PTGER2: variants seen among roughly 807,000 people sequenced by gnomAD.
PTGER2 encodes prostaglandin E receptor 2.
Under a neutral mutation model 26.2 loss-of-function variants are expected in PTGER2, and 22 were observed. That is an observed-to-expected ratio of 0.84 (90% CI 0.60 to 1.20). The LOEUF (loss-of-function observed/expected upper bound fraction) is 1.20, where lower values mean the gene tolerates loss of function less well. PTGER2 is among the 50% of genes most tolerant of loss of function. PTGER2 has a pLI of 0.00. For synonymous variants in PTGER2, 219 were observed against 208.9 expected (o/e 1.05, Z -0.42); for missense variants, 458 against 475.2 (o/e 0.96, Z 0.34).
chr14:52,315,463 C>A, intron 1 of PTGER2, 72 bp downstream of exon 1: 1 of 1,563,744 alleles, frequency 6.4e-7, no homozygotes, highest in East Asian at 2.3e-5. Context: ...ACGCCTCCAC[C>A]CTTTCCACCG....
In PTGER2 at chr14:52,328,582, A is replaced by C. The variant is rs2033975380; in HGVS notation, c.*1128A>C. The C allele has an allele frequency of 6.6e-6, 1 of 152,232 alleles. No homozygotes were observed. Among genetic ancestry groups the C allele is most frequent in the Admixed American group, 6.5e-5 (1 of 15,286 alleles). The allele number at this position is 152,232 out of a possible 1,614,324, so 9.4% of individuals were successfully genotyped here. A position where few individuals can be genotyped will look rare whatever the true frequency, so the allele number is the denominator to read the frequency against. On this transcript the variant is annotated 3_prime_UTR_variant, in exon 2 of 2. Transcript: ENST00000245457. Reference sequence around the variant, plus strand: ...AACTCATCTGAAATGTTACAAAAATAAACTATAAAACAAAAATTTGAAAAT... The same window carrying C: ...AACTCATCTGAAATGTTACAAAAATCAACTATAAAACAAAAATTTGAAAAT...
Position 52,327,410 on chromosome 14 carries a change from T to G in PTGER2, c.1033T>G (p.Ser345Ala). Residue 345 changes from serine to alanine, a missense_variant, in exon 2 of 2, where the codon TCC becomes GCC. Coordinates refer to ENST00000245457, the MANE Select transcript of PTGER2 (RefSeq NM_000956.4). ...AAGAACACAAGATGCAACACAAACT[T>G]CCTGTTCTACACAGTCAGATGCCAG... is the stretch of plus-strand genomic sequence containing the variant. ...SLRTQDATQT[S>A]CSTQSDASKQ... 6.2e-7 allele frequency: 1 copy of G among 1,613,424 alleles called. No homozygotes were observed. Among genetic ancestry groups the G allele is most frequent in the Non-Finnish European group, 8.5e-7 (1 of 1,179,528 alleles).
Position 52,314,535 on chromosome 14 carries a change from C to G in PTGER2, c.-14C>G. 1 of 1,476,252 alleles carries G rather than the reference C, an allele frequency of 6.8e-7. No homozygotes were observed. The highest frequency in any genetic ancestry group is 9.0e-7 in the Non-Finnish European group (1 of 1,114,592). 91.4% of individuals were successfully genotyped at this position (1,476,252 alleles called of 1,614,324 possible). A position where few individuals can be genotyped will look rare whatever the true frequency, so the allele number is the denominator to read the frequency against. On this transcript the variant is annotated 5_prime_UTR_variant, in exon 1 of 2. Transcript: ENST00000245457. The surrounding 1 kb of genome is among the most constrained non-coding windows in gnomAD (Gnocchi z 5.7). ...CGGGAGAGGAGGGCGCATCTCTTTTCCAGGCACCCCACCATGGGCAATGCC... is the reference window on the plus strand; with the variant it reads ...CGGGAGAGGAGGGCGCATCTCTTTTGCAGGCACCCCACCATGGGCAATGCC...
At chr14:52,315,505 T>C in intron 1 of PTGER2, 114 bp downstream of exon 1, 6 of 1,348,206 alleles carry the variant, frequency 4.5e-6, no homozygotes, top group Non-Finnish European at 6.0e-6. Flanking sequence ...TGTAAAAATA[T>C]GTCCTAATTT....
rs1298273049 is a variant in PTGER2, at chr14:52,314,972, T to A, written c.424T>A (p.Tyr142Asn). 6.2e-7 allele frequency: 1 copy of A among 1,613,382 alleles called. No homozygotes were observed. The highest frequency in any genetic ancestry group is 1.7e-5 in the Admixed American group (1 of 60,006). ...LERYLSIGHP[Y>N]FYQRRVSRSG... ...GCGCTACCTCTCGATCGGGCACCCCTACTTCTACCAGCGCCGCGTCTCGCG... is the reference window on the plus strand; with the variant it reads ...GCGCTACCTCTCGATCGGGCACCCCAACTTCTACCAGCGCCGCGTCTCGCG... Residue 142 changes from tyrosine to asparagine, a missense_variant, in exon 1 of 2, where the codon TAC becomes AAC. Coordinates refer to ENST00000245457, the MANE Select transcript of PTGER2 (RefSeq NM_000956.4). The surrounding 1 kb of genome is among the most constrained non-coding windows in gnomAD (Gnocchi z 5.7).
rs2033813678 is a variant in PTGER2, at chr14:52,314,639, A to G, written c.91A>G (p.Met31Val). 6.6e-7 allele frequency: 1 copy of G among 1,515,950 alleles called. No individual in the cohort carries two copies. The highest frequency in any genetic ancestry group is 2.2e-5 in the Admixed American group (1 of 44,902). The allele number at this position is 1,515,950 out of a possible 1,614,324, so 93.9% of individuals were successfully genotyped here. A position where few individuals can be genotyped will look rare whatever the true frequency, so the allele number is the denominator to read the frequency against. The part of the protein sequence containing the change: ...PGESPAISSV[M>V]FSAGVLGNLI... ...CGAAAGCCCAGCCATCAGCTCCGTCATGTTCTCGGCCGGGGTGCTGGGGAA... is the reference window on the plus strand; with the variant it reads ...CGAAAGCCCAGCCATCAGCTCCGTCGTGTTCTCGGCCGGGGTGCTGGGGAA... Residue 31 changes from methionine to valine, a missense_variant, in exon 1 of 2, where the codon ATG becomes GTG. By Grantham distance (21) the Met-to-Val change is conservative. Transcript: ENST00000245457. This position sits in a 1 kb window ranked among gnomAD's most constrained non-coding sequence, Gnocchi z 5.7.
intron 1 of PTGER2, among the ~76,000 whole-genome samples, chr14:52,324,967 C>T (rs978308096): frequency 1.3e-5 from 2 of 152,016 alleles, no homozygotes; most frequent in African/African-American, 4.8e-5. Flanking sequence ...GGTGAAACCC[C>T]ATCTCTACTA....
chr14:52,326,375 C>A (rs1158228677), intron 1 of PTGER2, among the ~76,000 whole-genome samples: 2 of 152,180 alleles, frequency 1.3e-5, no homozygotes, highest in South Asian at 2.1e-4. Flanking sequence ...ATTTTCTATA[C>A]CCCAGTGTCT....
At chr14:52,326,878 T>C (rs1392848355) in intron 1 of PTGER2, among the ~76,000 whole-genome samples, 1 of 152,198 alleles carries the variant, frequency 6.6e-6, no homozygotes, top group Non-Finnish European at 1.5e-5. Flanking sequence ...CTACTAATAT[T>C]ATCATTATTA....
Position 52,327,531 on chromosome 14 carries a change from C to T in PTGER2, c.*77C>T, listed in dbSNP as rs1279146611. On this transcript the variant is annotated 3_prime_UTR_variant, in exon 2 of 2. Coordinates refer to ENST00000245457, the MANE Select transcript of PTGER2 (RefSeq NM_000956.4). ...AAATTGTTCCTTGGAGAAATGAAAA[C>T]AGTGTGTAAACAAAATGAAGCTGCC... is the stretch of plus-strand genomic sequence containing the variant. 1.7e-6 allele frequency: 2 copies of T among 1,209,350 alleles called. No homozygotes were observed. Among genetic ancestry groups the T allele is most frequent in the African/African-American group, 1.5e-5 (1 of 65,654 alleles). 74.9% of individuals were successfully genotyped at this position (1,209,350 alleles called of 1,614,324 possible). A position where few individuals can be genotyped will look rare whatever the true frequency, so the allele number is the denominator to read the frequency against.
intron 1 of PTGER2, among the ~76,000 whole-genome samples, chr14:52,315,845 C>G (rs1224209086): frequency 2.0e-5 from 3 of 152,216 alleles, no homozygotes; most frequent in African/African-American, 7.2e-5. Flanking sequence ...CCATGCTTGC[C>G]TTCTGTTCCT....
chr14:52,317,921 T>C (rs1257086435), intron 1 of PTGER2, among the ~76,000 whole-genome samples: 1 of 152,258 alleles, frequency 6.6e-6, no homozygotes, highest in East Asian at 1.9e-4. Flanking sequence ...GATTTTATTT[T>C]GTCAATAGAT....
At position 52,327,414 on chromosome 14, in the gene PTGER2, G is replaced by T. The variant is rs367922312; in HGVS notation, c.1037G>T (p.Cys346Phe). The change falls in exon 2 of 2, where the codon TGT becomes TTT. Residue 346 changes from cysteine to phenylalanine, a missense_variant. Coordinates refer to ENST00000245457, the MANE Select transcript of PTGER2 (RefSeq NM_000956.4). ...ACACAAGATGCAACACAAACTTCCT[G>T]TTCTACACAGTCAGATGCCAGTAAA... Reference protein sequence around the residue: ...LRTQDATQTSCSTQSDASKQA... With the variant: ...LRTQDATQTSFSTQSDASKQA... 7 of 1,613,168 alleles carry T rather than the reference G, an allele frequency of 4.3e-6. No individual in the cohort carries two copies. Among genetic ancestry groups the T allele is most frequent in the Non-Finnish European group, 5.9e-6 (7 of 1,179,240 alleles).
chr14:52,324,798 A>G (rs1289391571), intron 1 of PTGER2, among the ~76,000 whole-genome samples: 1 of 152,228 alleles, frequency 6.6e-6, no homozygotes, highest in East Asian at 1.9e-4. Context: ...CAAAACTTAC[A>G]TCAAGAATTT....
chr14:52,314,356 C>T lies in PTGER2; in HGVS notation c.-193C>T, dbSNP rs891672415. The T allele has an allele frequency of 8.8e-6, 5 of 571,086 alleles. No homozygotes were observed. Among genetic ancestry groups the T allele is most frequent in the Non-Finnish European group, 1.3e-5 (5 of 388,464 alleles). The allele number at this position is 571,086 out of a possible 1,614,324, so 35.4% of individuals were successfully genotyped here. On this transcript the variant is annotated 5_prime_UTR_variant, in exon 1 of 2. Coordinates refer to ENST00000245457, the MANE Select transcript of PTGER2 (RefSeq NM_000956.4). The surrounding 1 kb of genome is among the most constrained non-coding windows in gnomAD (Gnocchi z 5.7). ...TCGAGCGCCGCTCGGATGCAGCAGCCGAGCCGCCACTCGGCGCGCGGCGGG... is the reference window on the plus strand; with the variant it reads ...TCGAGCGCCGCTCGGATGCAGCAGCTGAGCCGCCACTCGGCGCGCGGCGGG...
rs760540624 is a variant in PTGER2, at chr14:52,315,088, G to C, written c.540G>C (p.Gln180His). ...TGCTGGACTATGGGCAGTACGTCCA[G>C]TACTGCCCCGGGACCTGGTGCTTCA... ...LPLLDYGQYV[Q>H]YCPGTWCFIR... The change falls in exon 1 of 2, where the codon CAG (glutamine) becomes CAC (histidine). Residue 180 changes from glutamine (Q) to histidine (H), a missense_variant. Transcript: ENST00000245457. 3.0e-5 allele frequency: 49 copies of C among 1,610,730 alleles called. No homozygotes were observed. The highest frequency in any genetic ancestry group is 1.0e-4 in the Admixed American group (6 of 59,984).
rs1434376783 is a variant in PTGER2, at chr14:52,314,607, C to T, written c.59C>T (p.Pro20Leu). 2 of 1,510,426 alleles carry T rather than the reference C, an allele frequency of 1.3e-6. No homozygotes were observed. The highest frequency in any genetic ancestry group is 2.8e-5 in the African/African-American group (2 of 71,524). The allele number at this position is 1,510,426 out of a possible 1,614,324, so 93.6% of individuals were successfully genotyped here. The change falls in exon 1 of 2, where the codon CCC (proline) becomes CTC (leucine). Residue 20 changes from proline (P) to leucine (L), a missense_variant. By Grantham distance (98) the Pro-to-Leu change is moderately conservative. Transcript: ENST00000245457. The surrounding 1 kb of genome is among the most constrained non-coding windows in gnomAD (Gnocchi z 5.7). Reference protein sequence around the residue: ...SEDCETRQWLPPGESPAISSV... With the variant: ...SEDCETRQWLLPGESPAISSV... ...GACTGCGAGACGCGACAGTGGCTTC[C>T]CCCAGGCGAAAGCCCAGCCATCAGC...
Position 52,327,330 on chromosome 14 carries a change from T to C in PTGER2, c.953T>C (p.Leu318Pro). 6.2e-7 allele frequency: 1 copy of C among 1,612,830 alleles called. No homozygotes were observed. The highest frequency in any genetic ancestry group is 2.2e-5 in the East Asian group (1 of 44,870). Reference sequence around the variant, plus strand: ...ATTGACCCTTGGGTCTTTGCCATCCTTAGGCCTCCTGTTCTGAGACTAATG... The same window carrying C: ...ATTGACCCTTGGGTCTTTGCCATCCCTAGGCCTCCTGTTCTGAGACTAATG... ...SIIDPWVFAI[L>P]RPPVLRLMRS... The change falls in exon 2 of 2, where the codon CTT becomes CCT. Residue 318 changes from leucine to proline, a missense_variant. Leu to Pro is a moderately conservative substitution (Grantham distance 98). Transcript: ENST00000245457.
chr14:52,319,213 A>T (rs1028937319), intron 1 of PTGER2, among the ~76,000 whole-genome samples: 5 of 152,210 alleles, frequency 3.3e-5, no homozygotes, highest in Non-Finnish European at 5.9e-5. Context: ...ATAAAATGGC[A>T]AAGACCTTTT....
Sources: allele counts gnomAD v4.1 joint callset (sites outside exome capture counted in the v4.1 genomes callset), GRCh38; gene constraint gnomAD v4.1.1; non-coding constraint Gnocchi (gnomAD v3.1); transcripts MANE v1.5; gene names NCBI Gene and HGNC (gene_info 2026-07-23, HGNC 2026-07-21).